The following EYS variants were observed in gnomAD, a reference collection of about 807,000 sequenced individuals.
The protein encoded by EYS is protein eyes shut homolog.
In EYS, 250 loss-of-function variants were observed where a neutral mutation model predicts 282.1. That is an observed-to-expected ratio of 0.89 (90% CI 0.80 to 0.98). EYS has a LOEUF of 0.98. Among genes scored for constraint, EYS ranks in the 50% least tolerant of loss-of-function variants. The pLI, the probability that EYS is intolerant of heterozygous loss-of-function variation, is 0.00. For missense variants in EYS, 4,016 were observed against 3,709.0 expected (o/e 1.08, Z -2.15); for synonymous variants, 1,355 against 1,282.9 (o/e 1.06, Z -1.20).
At position 63,759,367 on chromosome 6, in the gene EYS, C is replaced by G. The variant is rs1202461378; in HGVS notation, c.8071+3094G>C. 2.6e-5 allele frequency among the ~76,000 whole-genome samples: 4 copies of G among 152,102 alleles called. No homozygotes were observed. In the East Asian group the frequency reaches 7.7e-4, roughly 29 times the overall value. On this transcript the variant is annotated intron_variant, in intron 41 of 42. Coordinates refer to ENST00000503581, the MANE Select transcript of EYS (RefSeq NM_001142800.2). ...AGAAATGGAAGTTGTGTCTGTTTCTCTCTACTAAGGCTTAGCTGCCACATC... is the reference window on the plus strand; with the variant it reads ...AGAAATGGAAGTTGTGTCTGTTTCTGTCTACTAAGGCTTAGCTGCCACATC...
intron 31 of EYS, among the ~76,000 whole-genome samples, chr6:64,219,581 T>C (rs542374316): frequency 2.0e-5 from 3 of 152,362 alleles, no homozygotes; most frequent in South Asian, 4.1e-4. Context: ...ATGGTATTTC[T>C]AGTTCTAGAT....
chr6:64,296,587 TATATATATA>T (rs1769024297), intron 30 of EYS, among the ~76,000 whole-genome samples: 1 of 3,516 alleles, frequency 2.8e-4, no homozygotes, highest in African/African-American at 8.2e-4. Flanking sequence ...TATATATACA[TATATATATA>T]TATTTTTTTT....
At chr6:64,871,921 CCATT>C (rs1766610360) in intron 19 of EYS, among the ~76,000 whole-genome samples, 2 of 151,928 alleles carry the variant, frequency 1.3e-5, no homozygotes, top group Admixed American at 1.3e-4. Flanking sequence ...AAGAAGGCAA[CCATT>C]CATTTGCCAA....
intron 2 of EYS, among the ~76,000 whole-genome samples, chr6:65,500,463 G>T (rs1329740176): frequency 6.6e-6 from 1 of 151,908 alleles, no homozygotes; most frequent in Non-Finnish European, 1.5e-5. Context: ...CTCAGTAACT[G>T]GTCAGTTGAT....
intron 13 of EYS, among the ~76,000 whole-genome samples, chr6:65,032,361 T>G (rs988275341): frequency 3.3e-5 from 5 of 152,156 alleles, no homozygotes; most frequent in African/African-American, 1.2e-4. Context: ...CCAAATCTCA[T>G]ATTGAATGAA....
chr6:64,279,545 A>G (rs541449997), intron 30 of EYS, among the ~76,000 whole-genome samples: 1 of 152,282 alleles, frequency 6.6e-6, no homozygotes, highest in African/African-American at 2.4e-5. Context: ...GACAGCAGGG[A>G]CATGGCTCTC....
intron 13 of EYS, 33 bp from the exon 14 acceptor site, chr6:64,997,736 A>T (rs1771318373): frequency 6.5e-7 from 1 of 1,547,444 alleles, no homozygotes; most frequent in East Asian, 2.5e-5. Flanking sequence ...AACTCTTAAC[A>T]TTCCTTTAAC....
chr6:65,440,984 A>C (rs28489377), intron 5 of EYS, among the ~76,000 whole-genome samples: 1 of 142,480 alleles, frequency 7.0e-6, no homozygotes, highest in African/African-American at 2.5e-5. Flanking sequence ...GTATATATAT[A>C]TCTATATATA....
chr6:65,176,007 AT>A (rs1765214511), intron 12 of EYS, among the ~76,000 whole-genome samples: 1 of 151,582 alleles, frequency 6.6e-6, no homozygotes, highest in South Asian at 2.1e-4. Context: ...TATGTAATAC[AT>A]TGTGGAATAA....
chr6:65,605,625 G>C (rs1184665874), intron 2 of EYS, among the ~76,000 whole-genome samples: 1 of 151,792 alleles, frequency 6.6e-6, no homozygotes, highest in African/African-American at 2.4e-5. Context: ...CAAATTGAAA[G>C]TATATAACAT....
intron 35 of EYS, among the ~76,000 whole-genome samples, chr6:63,948,152 T>G (rs1289378341): frequency 2.0e-5 from 3 of 152,206 alleles, no homozygotes; most frequent in Admixed American, 2.0e-4. Context: ...CTTGCTTTTA[T>G]ATTGTATTAG....
intron 36 of EYS, among the ~76,000 whole-genome samples, chr6:63,816,538 G>T (rs1364410613): frequency 1.3e-5 from 2 of 152,164 alleles, no homozygotes; most frequent in Non-Finnish European, 2.9e-5. Context: ...AAGGAACATA[G>T]GTAGCTCAAA....
chr6:65,084,231 T>A (rs1774303622), intron 12 of EYS, among the ~76,000 whole-genome samples: 1 of 152,152 alleles, frequency 6.6e-6, no homozygotes. Flanking sequence ...TTTTTCACTG[T>A]AAAGCCAGAC....
At chr6:65,159,313 C>T (rs142943088) in intron 12 of EYS, among the ~76,000 whole-genome samples, 44 of 150,914 alleles carry the variant, frequency 2.9e-4, no homozygotes, top group Non-Finnish European at 4.6e-4. Flanking sequence ...CATCCAGTGA[C>T]CTGGCAGTGG....
chr6:64,944,982 T>G (rs757499748), intron 15 of EYS, among the ~76,000 whole-genome samples: 1 of 151,006 alleles, frequency 6.6e-6, no homozygotes, highest in Non-Finnish European at 1.5e-5. Flanking sequence ...CTTCTCCTTA[T>G]TATCACCCTG....
chr6:65,355,215 T>C (rs1006759008), intron 8 of EYS, among the ~76,000 whole-genome samples: 4 of 152,104 alleles, frequency 2.6e-5, no homozygotes, highest in African/African-American at 9.7e-5. Flanking sequence ...GTCATGTCCC[T>C]CTCACCCTTC....
At chr6:65,532,044 T>C (rs1193511057) in intron 2 of EYS, among the ~76,000 whole-genome samples, 1 of 152,136 alleles carries the variant, frequency 6.6e-6, no homozygotes, top group East Asian at 1.9e-4. Flanking sequence ...TCTACATATG[T>C]AAATTATTGT....
At chr6:64,385,840 A>G (rs1196223478) in intron 29 of EYS, among the ~76,000 whole-genome samples, 9 of 152,052 alleles carry the variant, frequency 5.9e-5, no homozygotes, top group South Asian at 2.1e-4. Context: ...CTTTTGTAAC[A>G]TTGGTGTTCA....
intron 29 of EYS, among the ~76,000 whole-genome samples, chr6:64,375,159 T>C (rs1293607501): frequency 6.6e-6 from 1 of 152,198 alleles, no homozygotes; most frequent in African/African-American, 2.4e-5. Flanking sequence ...AAAATATATT[T>C]TGTTAATTAG....
Sources: allele counts gnomAD v4.1 joint callset (sites outside exome capture counted in the v4.1 genomes callset), GRCh38; gene constraint gnomAD v4.1.1; transcripts MANE v1.5; gene names NCBI Gene and HGNC (gene_info 2026-07-23, HGNC 2026-07-21).